Variants in GABRB2 observed in about 807,000 individuals in gnomAD.
GABRB2 encodes gamma-aminobutyric acid type A receptor subunit beta2, also known as gamma-aminobutyric acid receptor subunit beta-2.
Under a neutral mutation model 54.7 loss-of-function variants are expected in GABRB2, and 16 were observed. The observed-to-expected ratio is 0.29, with a 90% CI of 0.20 to 0.44. GABRB2 has a LOEUF of 0.44. GABRB2 is among the 20% of genes least tolerant of loss of function. The pLI is 1.00. For synonymous variants in GABRB2, 244 were observed against 233.8 expected (o/e 1.04, Z -0.40); for missense variants, 355 against 644.0 (o/e 0.55, Z 4.86).
chr5:161,426,983 A>G (rs1255178072), intron 4 of GABRB2, among the ~76,000 whole-genome samples: 1 of 152,176 alleles, frequency 6.6e-6, no homozygotes, highest in Admixed American at 6.6e-5. Context: ...TGGTCAACCA[A>G]GATAAAGAAC....
chr5:161,488,906 A>G (rs992425642), intron 3 of GABRB2, among the ~76,000 whole-genome samples: 2 of 151,828 alleles, frequency 1.3e-5, no homozygotes, highest in African/African-American at 2.4e-5. Flanking sequence ...AAATGTGTTC[A>G]TGGTTATGTT....
chr5:161,456,279 C>T (rs1354487291), intron 4 of GABRB2, among the ~76,000 whole-genome samples: 1 of 152,142 alleles, frequency 6.6e-6, no homozygotes, highest in Non-Finnish European at 1.5e-5. Context: ...CTTGCCTGTG[C>T]CTCAGAAATC....
intron 9 of GABRB2, among the ~76,000 whole-genome samples, chr5:161,301,521 A>C (rs1229912910): frequency 1.3e-5 from 2 of 152,152 alleles, no homozygotes; most frequent in Admixed American, 1.3e-4. Context: ...AACATAGAAA[A>C]ATATTTATCA....
intron 3 of GABRB2, among the ~76,000 whole-genome samples, chr5:161,464,743 A>T (rs1758226357): frequency 6.6e-6 from 1 of 152,152 alleles, no homozygotes. Flanking sequence ...GATATAAGCA[A>T]TATCATTAAT....
chr5:161,329,739 C>A (rs1753775227), intron 8 of GABRB2: 1 of 152,104 alleles, frequency 6.6e-6, no homozygotes, highest in Non-Finnish European at 1.5e-5. Context: ...TTTTCCTAGT[C>A]CCATCATGAT....
At chr5:161,417,555 A>G (rs1051249808) in intron 4 of GABRB2, among the ~76,000 whole-genome samples, 2 of 152,196 alleles carry the variant, frequency 1.3e-5, no homozygotes, top group African/African-American at 2.4e-5. Context: ...AGGATTGATC[A>G]ATTTCTTATA....
At chr5:161,390,929 T>A (rs1755802844) in intron 5 of GABRB2, among the ~76,000 whole-genome samples, 1 of 152,082 alleles carries the variant, frequency 6.6e-6, no homozygotes, top group African/African-American at 2.4e-5. Context: ...TCTTCTTAGG[T>A]TTCAAATAAG....
intron 4 of GABRB2, among the ~76,000 whole-genome samples, chr5:161,456,753 C>A (rs755177371): frequency 6.6e-6 from 1 of 152,106 alleles, no homozygotes; most frequent in Middle Eastern, 3.2e-3. Context: ...TGAGTACTAA[C>A]TACTGATATT....
intron 3 of GABRB2, among the ~76,000 whole-genome samples, chr5:161,492,148 T>C (rs184842776): frequency 3.3e-5 from 5 of 151,776 alleles, no homozygotes; most frequent in African/African-American, 4.8e-5. Context: ...AGAAAGTAAA[T>C]ATCATTAGGA....
At chr5:161,345,202 GA>G (rs1200261389) in intron 5 of GABRB2, among the ~76,000 whole-genome samples, 3 of 151,494 alleles carry the variant, frequency 2.0e-5, no homozygotes, top group East Asian at 1.9e-4. Flanking sequence ...TTTAGAAAAA[GA>G]AAAAAATTTA....
At chr5:161,380,551 G>C (rs747269943) in intron 5 of GABRB2, among the ~76,000 whole-genome samples, 7 of 151,906 alleles carry the variant, frequency 4.6e-5, no homozygotes, top group African/African-American at 7.3e-5. Flanking sequence ...GACAGTTGAG[G>C]GGAATGAGCT....
At chr5:161,355,893 T>C (rs1754611781) in intron 5 of GABRB2, among the ~76,000 whole-genome samples, 2 of 152,154 alleles carry the variant, frequency 1.3e-5, no homozygotes, top group African/African-American at 4.8e-5. Context: ...ATGCAAAAGA[T>C]TTTTATTTAT....
At chr5:161,479,182 T>TA (rs1283548922) in intron 3 of GABRB2, among the ~76,000 whole-genome samples, 1 of 152,072 alleles carries the variant, frequency 6.6e-6, no homozygotes, top group Admixed American at 6.6e-5. Context: ...CAATGTTTTT[T>TA]AAAAAATTGA....
At chr5:161,485,153 G>T (rs774127081) in intron 3 of GABRB2, among the ~76,000 whole-genome samples, 1 of 151,846 alleles carries the variant, frequency 6.6e-6, no homozygotes, top group African/African-American at 2.4e-5. Context: ...GTCTAAGGAC[G>T]GACTCCTCAC....
At chr5:161,350,999 C>T (rs1406668760) in intron 5 of GABRB2, among the ~76,000 whole-genome samples, 1 of 151,998 alleles carries the variant, frequency 6.6e-6, no homozygotes, top group Non-Finnish European at 1.5e-5. Context: ...GTGGGACTTC[C>T]CCTTGTGATT....
intron 4 of GABRB2, among the ~76,000 whole-genome samples, chr5:161,413,926 C>T (rs1043535512): frequency 5.9e-5 from 9 of 152,104 alleles, no homozygotes; most frequent in South Asian, 2.1e-4. Flanking sequence ...AACTAGCATC[C>T]GTGAACTGGT....
At chr5:161,506,736 A>G (rs1759616872) in intron 3 of GABRB2, among the ~76,000 whole-genome samples, 1 of 152,134 alleles carries the variant, frequency 6.6e-6, no homozygotes, top group Non-Finnish European at 1.5e-5. Flanking sequence ...GGTGCTGGAA[A>G]AAGAGACAAG....
At chr5:161,459,439 G>C in intron 4 of GABRB2, 185 bp downstream of exon 4, 1 of 610,018 alleles carries the variant, frequency 1.6e-6, no homozygotes, top group Non-Finnish European at 2.9e-6. Flanking sequence ...TGTAGTCTTA[G>C]CTGAGGTTAA....
intron 4 of GABRB2, among the ~76,000 whole-genome samples, chr5:161,441,209 C>T (rs1757456339): frequency 6.6e-6 from 1 of 152,052 alleles, no homozygotes; most frequent in Non-Finnish European, 1.5e-5. Flanking sequence ...TTGTAAACTG[C>T]CCATCTGAAA....
Sources: allele counts gnomAD v4.1 joint callset (sites outside exome capture counted in the v4.1 genomes callset), GRCh38; gene constraint gnomAD v4.1.1; transcripts MANE v1.5; gene names NCBI Gene and HGNC (gene_info 2026-07-23, HGNC 2026-07-21).